Variants in CPAMD8 observed in about 807,000 individuals in gnomAD.
The protein encoded by CPAMD8 is C3 and PZP like alpha-2-macroglobulin domain containing 8.
CPAMD8 carries 146 observed loss-of-function variants against 224.7 expected under a neutral mutation model. The ratio of observed to expected loss-of-function variants is 0.65; its 90% CI spans 0.57 to 0.75. The LOEUF is 0.75. Ranked by LOEUF, CPAMD8 falls within the 30% of genes least tolerant of loss-of-function variation. The pLI is 0.00. For synonymous variants in CPAMD8, 966 were observed against 1,044.6 expected (o/e 0.92, Z 1.45); for missense variants, 2,301 against 2,537.5 (o/e 0.91, Z 2.00).
At position 16,925,304 on chromosome 19, in the gene CPAMD8, G is replaced by T. The variant is rs2053321229; in HGVS notation, c.3439C>A (p.Gln1147Lys). The T allele has an allele frequency of 6.2e-7, 1 of 1,614,110 alleles. No individual in the cohort carries two copies. Among genetic ancestry groups the T allele is most frequent in the African/African-American group, 1.3e-5 (1 of 74,938 alleles). The change falls in exon 26 of 42, where the codon CAG becomes AAG. Residue 1147 changes from glutamine (Q) to lysine (K), a missense_variant. Physicochemically the swap from Gln to Lys is moderately conservative, Grantham distance 53 (BLOSUM62 1). Transcript: ENST00000443236. The part of the protein sequence containing the change: ...LLRLPFGCGE[Q>K]NMIHFAPNVF... Reference sequence around the variant, plus strand: ...TTGGGTGCAAAGTGGATCATGTTCTGCTCTCCACAGCCAAACGGCAGCCGC... The same window carrying T: ...TTGGGTGCAAAGTGGATCATGTTCTTCTCTCCACAGCCAAACGGCAGCCGC...
chr19:16,997,115 C>T lies in CPAMD8; in HGVS notation c.1091G>A (p.Gly364Glu). 1 of 1,604,214 alleles carries T rather than the reference C, an allele frequency of 6.2e-7. No homozygotes were observed. Among genetic ancestry groups the T allele is most frequent in the South Asian group, 1.1e-5 (1 of 90,834 alleles). Residue 364 changes from glycine (G) to glutamate (E), a missense_variant, in exon 11 of 42, where the codon GGG (glycine) becomes GAG (glutamate). Gly to Glu is a moderately conservative substitution (Grantham distance 98). Transcript: ENST00000443236. ...KQFKPGLAYV[G>E]KVELSYPDGS... ...GCACAGTCACCCCCAAGTTACCTTC[C>T]CCACGTAGGCCAGGCCCGGCTTGAA...
In CPAMD8 at chr19:16,929,075, C is replaced by T; in HGVS notation, c.3011G>A (p.Gly1004Glu). The T allele has an allele frequency of 6.2e-7, 1 of 1,613,940 alleles. No individual in the cohort carries two copies. The highest frequency in any genetic ancestry group is 8.5e-7 in the Non-Finnish European group (1 of 1,179,872). The change falls in exon 24 of 42, where the codon GGG (glycine) becomes GAG (glutamate). Residue 1004 changes from glycine (G) to glutamate (E), a missense_variant. Coordinates refer to ENST00000443236, the MANE Select transcript of CPAMD8 (RefSeq NM_015692.5). ...TAGMIEIVLG[G>E]HQNTRSWIST... ...GATCCATGACCTGGTGTTCTGATGCCCCCCCAGGACGATCTCGATCATGCC... is the reference window on the plus strand; with the variant it reads ...GATCCATGACCTGGTGTTCTGATGCTCCCCCAGGACGATCTCGATCATGCC...
intron 30 of CPAMD8, 42 bp from the exon 31 acceptor site, chr19:16,904,594 G>T: frequency 1.5e-6 from 2 of 1,342,218 alleles, no homozygotes; most frequent in Non-Finnish European, 2.1e-6. Flanking sequence ...CCCACCCAGT[G>T]TGTAGCCTGG....
chr19:17,016,935 C>G (rs2056828835), intron 3 of CPAMD8, among the ~76,000 whole-genome samples: 1 of 151,544 alleles, frequency 6.6e-6, no homozygotes, highest in African/African-American at 2.4e-5. Context: ...GCATTGAAGC[C>G]CTAGGGCAGG....
chr19:16,976,928 G>A (rs1192040378), intron 15 of CPAMD8, among the ~76,000 whole-genome samples: 1 of 152,148 alleles, frequency 6.6e-6, no homozygotes, highest in Non-Finnish European at 1.5e-5. Context: ...TGTAGTCTCA[G>A]CTACTCGGGA....
chr19:16,992,870 G>A (rs919727312), intron 12 of CPAMD8, among the ~76,000 whole-genome samples: 2 of 151,848 alleles, frequency 1.3e-5, no homozygotes, highest in Non-Finnish European at 2.9e-5. Flanking sequence ...GTTAGAGGCT[G>A]CAGTGAGCTA....
Position 17,008,509 on chromosome 19 carries a change from G to T in CPAMD8, c.555C>A (p.Cys185Ter), listed in dbSNP as rs1389246027. ...MIEWRHLKPFCCGITNMSFPL... is the reference protein window; with the variant it reads ...MIEWRHLKPF ...GCCGCAGAGGAAGAAACTTACCGCAGCAGAACGGCTTTAAGTGTCTCCACT... is the reference window on the plus strand; with the variant it reads ...GCCGCAGAGGAAGAAACTTACCGCATCAGAACGGCTTTAAGTGTCTCCACT... The change falls in exon 7 of 42, where the codon TGC becomes TGA. Residue 185 changes from cysteine (C) to a stop codon, truncating the protein, a stop_gained. Transcript: ENST00000443236. LOFTEE classifies it high-confidence loss of function. 6.2e-7 allele frequency: 1 copy of T among 1,612,866 alleles called. No homozygotes were observed. Among genetic ancestry groups the T allele is most frequent in the Non-Finnish European group, 8.5e-7 (1 of 1,180,040 alleles).
chr19:16,947,386 C>A (rs776168663), intron 20 of CPAMD8, among the ~76,000 whole-genome samples, 159 bp from the exon 21 acceptor site: 1 of 152,184 alleles, frequency 6.6e-6, no homozygotes, highest in Non-Finnish European at 1.5e-5. Flanking sequence ...CATTTCCGAT[C>A]AGAACAAACT....
In CPAMD8 at chr19:16,898,179, C is replaced by CT. The variant is rs1270942607; in HGVS notation, c.4849-186dup. 13 of 565,182 alleles carry CT rather than the reference C, an allele frequency of 2.3e-5. No homozygotes were observed. Among genetic ancestry groups the CT allele is most frequent in the African/African-American group, 1.8e-4 (9 of 50,008 alleles). 35.0% of individuals were successfully genotyped at this position (565,182 alleles called of 1,614,324 possible). The stretch of plus-strand genomic sequence containing the variant: ...TTTTTTCCTGAGACAGAGTCTCGCG[C>CT]TGTTGCCCAGGCTGGAGTGCAGTGG... On this transcript the variant is annotated intron_variant, in intron 37 of 41. Coordinates refer to ENST00000443236, the MANE Select transcript of CPAMD8 (RefSeq NM_015692.5). This position sits in a 1 kb window ranked among gnomAD's most constrained non-coding sequence, Gnocchi z 4.2.
chr19:17,021,571 T>C (rs1258410019), intron 2 of CPAMD8, among the ~76,000 whole-genome samples: 1 of 152,184 alleles, frequency 6.6e-6, no homozygotes, highest in Admixed American at 6.5e-5. Flanking sequence ...GCTGTTGCTG[T>C]CTGCATTTGA....
intron 30 of CPAMD8, among the ~76,000 whole-genome samples, chr19:16,906,374 CTTTCT>C (rs2052496593): frequency 1.6e-4 from 15 of 93,704 alleles, no homozygotes; most frequent in East Asian, 1.1e-3. Context: ...TTCTTTCTTT[CTTTCT>C]TTCTTTCTTT....
At chr19:16,908,063 A>G (rs1599673556) in intron 29 of CPAMD8, among the ~76,000 whole-genome samples, 1 of 152,176 alleles carries the variant, frequency 6.6e-6, no homozygotes, top group East Asian at 1.9e-4. Context: ...GTCTTTGTTA[A>G]GACAGCTAGC....
At chr19:16,925,063 A>C (rs529359464) in intron 26 of CPAMD8, 133 bp downstream of exon 26, 1 of 879,354 alleles carries the variant, frequency 1.1e-6, no homozygotes, top group Non-Finnish European at 1.8e-6. Flanking sequence ...GCCACCCTGA[A>C]TGGCCTCTTT....
At position 16,894,274 on chromosome 19, in the gene CPAMD8, A is replaced by G. The variant is rs776799697; in HGVS notation, c.5427-935T>C. ...AGAGTCTCATCCTAGGGACGGGCAG[A>G]TCTCTGTCATTCTGTTCCTTGGGTT... On this transcript the variant is annotated intron_variant, in intron 41 of 41. Coordinates refer to ENST00000443236, the MANE Select transcript of CPAMD8 (RefSeq NM_015692.5). The G allele has an allele frequency of 4.2e-5, 17 of 404,884 alleles. 1 individual carries two copies. Among genetic ancestry groups the G allele is most frequent in the South Asian group, 2.9e-4 (17 of 58,396 alleles). 25.1% of individuals were successfully genotyped at this position (404,884 alleles called of 1,614,324 possible).
chr19:16,904,242 C>A lies in CPAMD8; in HGVS notation c.4235G>T (p.Gly1412Val). 1 of 1,500,444 alleles carries A rather than the reference C, an allele frequency of 6.7e-7. No individual in the cohort carries two copies. The highest frequency in any genetic ancestry group is 1.1e-5 in the South Asian group (1 of 89,480). 92.9% of individuals were successfully genotyped at this position (1,500,444 alleles called of 1,614,324 possible). The change falls in exon 32 of 42, where the codon GGC (glycine) becomes GTC (valine). Residue 1412 changes from glycine to valine, a missense_variant. Around this residue, in one of 4 missense-constraint regions of CPAMD8, gnomAD observed 1,709 missense variants for 1,753.2 expected, o/e 0.97. Transcript: ENST00000443236. ...CCGGCTCGCCTGAGTGGAGGAGAAG[C>A]CCCCAAGTGCATTTCGCTGCTGGGA... ...WLSQQRNALG[G>V]FSSTQDTCVA...
intron 29 of CPAMD8, among the ~76,000 whole-genome samples, chr19:16,911,366 C>CT (rs151247793): frequency 0.051 from 7,261 of 141,938 alleles, 224 homozygotes; most frequent in Middle Eastern, 0.094. Flanking sequence ...TTTTTTTGTT[C>CT]TTTTTTTTTT....
intron 30 of CPAMD8, among the ~76,000 whole-genome samples, chr19:16,906,348 TTC>T (rs537381657): frequency 0.063 from 2,223 of 35,306 alleles, 72 homozygotes; most frequent in African/African-American, 0.17. Context: ...CTTTCTTTCT[TTC>T]TTTCTTTCTT....
At chr19:16,976,437 T>C (rs987017727) in intron 15 of CPAMD8, among the ~76,000 whole-genome samples, 2 of 151,664 alleles carry the variant, frequency 1.3e-5, no homozygotes, top group African/African-American at 2.4e-5. Flanking sequence ...GAGAGTGTGG[T>C]TGCACCCCAG....
rs1302849613 is a variant in CPAMD8, at chr19:16,897,491, G to T, written c.5065+200C>A. On this transcript the variant is annotated intron_variant, in intron 39 of 41. Transcript: ENST00000443236. Reference sequence around the variant, plus strand: ...CCGCACTTACCACTCCCCCAGCCACGCCCCTCCCCGCTGACCGCTCCTCCA... The same window carrying T: ...CCGCACTTACCACTCCCCCAGCCACTCCCCTCCCCGCTGACCGCTCCTCCA... The T allele has an allele frequency of 6.2e-5, 34 of 551,482 alleles. No individual in the cohort carries two copies. The East Asian group carries it at 1.1e-3, about 18-fold the overall frequency. 34.2% of individuals were successfully genotyped at this position (551,482 alleles called of 1,614,324 possible). A position where few individuals can be genotyped will look rare whatever the true frequency, so the allele number is the denominator to read the frequency against.
Sources: allele counts gnomAD v4.1 joint callset (sites outside exome capture counted in the v4.1 genomes callset), GRCh38; gene constraint gnomAD v4.1.1; regional missense constraint gnomAD v4.1.1; non-coding constraint Gnocchi (gnomAD v3.1); transcripts MANE v1.5; gene names NCBI Gene and HGNC (gene_info 2026-07-23, HGNC 2026-07-21).